The following KLF12 variants were observed in gnomAD, a reference collection of about 807,000 sequenced individuals.
The protein encoded by KLF12 is KLF transcription factor 12.
In KLF12, 9 loss-of-function variants were observed where a neutral mutation model predicts 37.8. The ratio of observed to expected loss-of-function variants is 0.24; its 90% confidence interval spans 0.14 to 0.42. The LOEUF is 0.42. Ranked by LOEUF, KLF12 falls within the 10% of genes least tolerant of loss-of-function variation. The probability of loss-of-function intolerance (pLI) is 1.00; values close to 1 mark genes in which losing one functional copy is unlikely to be tolerated. For missense variants in KLF12, 411 were observed against 516.0 expected, an observed-to-expected ratio of 0.80 and a Z score of 1.97; for synonymous variants, 208 against 202.1, an observed-to-expected ratio of 1.03 and a Z score of -0.25.
chr13:73,944,894 A>T (rs924370917), intron 2 of KLF12, among the ~76,000 whole-genome samples: 2 of 152,194 alleles, frequency 1.3e-5, no homozygotes, highest in Non-Finnish European at 2.9e-5. Flanking sequence ...CTAAGGCCCA[A>T]ATCAGGCTCA....
At chr13:73,724,090 C>T (rs1055199553) in intron 6 of KLF12, among the ~76,000 whole-genome samples, 1 of 152,122 alleles carries the variant, frequency 6.6e-6, no homozygotes, top group Admixed American at 6.6e-5. Flanking sequence ...CACATGCACA[C>T]GTTATGTTTA....
chr13:73,772,737 G>A (rs1199733586), intron 5 of KLF12, among the ~76,000 whole-genome samples: 3 of 152,128 alleles, frequency 2.0e-5, no homozygotes, highest in Non-Finnish European at 4.4e-5. Context: ...TGGCACAGTC[G>A]GATTTGTATA....
intron 6 of KLF12, among the ~76,000 whole-genome samples, chr13:73,732,138 C>T (rs191648636): frequency 3.8e-4 from 56 of 146,990 alleles, no homozygotes; most frequent in Non-Finnish European, 7.1e-4. Context: ...GGTTGGAGTG[C>T]AGTGGCGTGA....
At chr13:73,713,736 T>C (rs1463353509) in intron 7 of KLF12, among the ~76,000 whole-genome samples, 2 of 152,240 alleles carry the variant, frequency 1.3e-5, no homozygotes, top group African/African-American at 2.4e-5. Flanking sequence ...TATACTGCCA[T>C]GGAGTTAAAT....
the KLF12 span, among the ~76,000 whole-genome samples, chr13:74,179,206 G>A: frequency 1.3e-5 from 2 of 152,208 alleles, no homozygotes; most frequent in Non-Finnish European, 1.5e-5. Context: ...AGAGAGAGAA[G>A]CAAGAAAGCT....
chr13:74,055,759 C>T (rs773350055), intron 1 of KLF12, among the ~76,000 whole-genome samples: 21 of 152,152 alleles, frequency 1.4e-4, no homozygotes, highest in Non-Finnish European at 2.9e-4. Context: ...CAACAATTTA[C>T]CCTAAACACT....
chr13:74,018,368 C>T (rs754282507), intron 1 of KLF12, among the ~76,000 whole-genome samples: 8 of 152,116 alleles, frequency 5.3e-5, no homozygotes, highest in Non-Finnish European at 1.2e-4. Flanking sequence ...GAAATACATT[C>T]AAGACATCTA....
In KLF12 at chr13:73,944,022, C is replaced by G. The variant is rs561758371; in HGVS notation, c.82G>C (p.Ala28Pro). ...AAAAGCTCTGTTTTGACTCTGACTG[C>G]CGGCATCCCATCAAGCATTAACATT... Residue 28 changes from alanine to proline, a missense_variant, in exon 3 of 8, where the codon GCA becomes CCA. Physicochemically the swap from Ala to Pro is conservative, Grantham distance 27. This residue lies in a region of KLF12 where 351 missense variants were observed against 397.8 expected (regional missense o/e 0.88). Coordinates refer to ENST00000377669, the MANE Select transcript of KLF12 (RefSeq NM_007249.5). 1 of 1,612,824 alleles carries G rather than the reference C, an allele frequency of 6.2e-7. No homozygotes were observed. The highest frequency in any genetic ancestry group is 2.2e-5 in the East Asian group (1 of 44,856).
At chr13:74,296,433 T>G in the KLF12 span, among the ~76,000 whole-genome samples, 1 of 152,176 alleles carries the variant, frequency 6.6e-6, no homozygotes, top group East Asian at 1.9e-4. Context: ...TGTGGGTTAG[T>G]GTCTTTATTA....
chr13:73,705,305 G>GCT (rs776592327), intron 7 of KLF12, among the ~76,000 whole-genome samples: 1 of 152,052 alleles, frequency 6.6e-6, no homozygotes, highest in Non-Finnish European at 1.5e-5. Flanking sequence ...ATGGAGTCTT[G>GCT]CTCTGTCGCC....
At chr13:73,728,612 C>T (rs1208928059) in intron 6 of KLF12, among the ~76,000 whole-genome samples, 4 of 152,158 alleles carry the variant, frequency 2.6e-5, no homozygotes, top group African/African-American at 9.7e-5. Context: ...TCCTAGTGTA[C>T]TGAGTGTTTT....
chr13:73,714,041 T>C (rs1875607502), intron 7 of KLF12, among the ~76,000 whole-genome samples: 1 of 152,208 alleles, frequency 6.6e-6, no homozygotes, highest in South Asian at 2.1e-4. Flanking sequence ...TCACACTCAT[T>C]CTTTGCCTTA....
intron 6 of KLF12, among the ~76,000 whole-genome samples, chr13:73,737,352 GC>G (rs1419392574): frequency 6.6e-6 from 1 of 152,058 alleles, no homozygotes; most frequent in Non-Finnish European, 1.5e-5. Context: ...TTACTAAGAG[GC>G]CTTTTCTCAA....
chr13:73,783,229 A>C (rs554383199), intron 5 of KLF12, among the ~76,000 whole-genome samples: 3 of 151,920 alleles, frequency 2.0e-5, no homozygotes, highest in South Asian at 4.2e-4. Flanking sequence ...TAAGCAAAGA[A>C]AGACAAACAT....
the KLF12 span, among the ~76,000 whole-genome samples, chr13:74,221,732 A>G: frequency 6.6e-6 from 1 of 152,300 alleles, no homozygotes; most frequent in South Asian, 2.1e-4. Context: ...TGCAATTTGA[A>G]GAGAGGCAGT....
intron 1 of KLF12, among the ~76,000 whole-genome samples, chr13:74,108,864 C>T (rs907419940): frequency 1.3e-5 from 2 of 151,996 alleles, no homozygotes; most frequent in Admixed American, 1.3e-4. Flanking sequence ...TTTGTCTTGT[C>T]CCAAGGTAGC....
chr13:73,793,267 CA>C (rs1398789709), intron 5 of KLF12, among the ~76,000 whole-genome samples: 1 of 152,108 alleles, frequency 6.6e-6, no homozygotes, highest in Non-Finnish European at 1.5e-5. Flanking sequence ...GGTCTGCCCC[CA>C]AATAAGATAA....
At chr13:74,145,963 A>C in the KLF12 span, among the ~76,000 whole-genome samples, 3 of 152,332 alleles carry the variant, frequency 2.0e-5, no homozygotes, top group African/African-American at 7.2e-5. Context: ...AATTCTTTGA[A>C]ATTTCAAATC....
At chr13:73,921,555 T>C (rs1889117758) in intron 3 of KLF12, among the ~76,000 whole-genome samples, 1 of 152,052 alleles carries the variant, frequency 6.6e-6, no homozygotes, top group Non-Finnish European at 1.5e-5. Flanking sequence ...CACAACTTAA[T>C]CTCCCCAGCT....
Sources: allele counts gnomAD v4.1 joint callset (sites outside exome capture counted in the v4.1 genomes callset), GRCh38; gene constraint gnomAD v4.1.1; regional missense constraint gnomAD v4.1.1; transcripts MANE v1.5; gene names NCBI Gene and HGNC (gene_info 2026-07-23, HGNC 2026-07-21).